Variants in SPIRE1 observed in about 807,000 individuals in gnomAD.
SPIRE1 encodes the protein protein spire homolog 1.
In SPIRE1, 40 loss-of-function variants were observed where a neutral mutation model predicts 94.1. The ratio of observed to expected loss-of-function variants is 0.43; its 90% CI spans 0.33 to 0.55. SPIRE1 has a LOEUF of 0.55. Among genes scored for constraint, SPIRE1 ranks in the 20% least tolerant of loss-of-function variants. The pLI is 0.06. For synonymous variants in SPIRE1, 376 were observed against 371.7 expected, an observed-to-expected ratio of 1.01 and a Z score of -0.13; for missense variants, 838 against 975.2, an observed-to-expected ratio of 0.86 and a Z score of 1.87.
chr18:12,561,851 T>A (rs1175421964), intron 2 of SPIRE1, among the ~76,000 whole-genome samples: 1 of 74,230 alleles, frequency 1.3e-5, no homozygotes, highest in Admixed American at 1.5e-4. Flanking sequence ...ATATACATAG[T>A]CTCATATCAG....
intron 1 of SPIRE1, among the ~76,000 whole-genome samples, chr18:12,653,983 G>T (rs964011322): frequency 2.0e-5 from 3 of 151,644 alleles, no homozygotes; most frequent in Admixed American, 6.6e-5. Flanking sequence ...GAAATCAATG[G>T]ATGTGAAAAC....
At chr18:12,460,706 C>A (rs2031753933) in intron 12 of SPIRE1, among the ~76,000 whole-genome samples, 1 of 131,452 alleles carries the variant, frequency 7.6e-6, no homozygotes, top group African/African-American at 2.6e-5. Context: ...GAGCGGAACT[C>A]CATCTCAAAA....
At chr18:12,464,045 AT>A (rs1391803654) in intron 11 of SPIRE1, among the ~76,000 whole-genome samples, 2 of 152,182 alleles carry the variant, frequency 1.3e-5, no homozygotes, top group Non-Finnish European at 2.9e-5. Context: ...CCAGAGTTTT[AT>A]TTAGTGCTTC....
intron 9 of SPIRE1, among the ~76,000 whole-genome samples, chr18:12,484,510 A>T (rs891459437): frequency 5.3e-5 from 8 of 152,236 alleles, no homozygotes; most frequent in Admixed American, 4.6e-4. Flanking sequence ...ACAGTTGGAA[A>T]CTAGCTTTGT....
chr18:12,451,085 G>T, intron 16 of SPIRE1: 1 of 385,992 alleles, frequency 2.6e-6, no homozygotes, highest in Non-Finnish European at 4.7e-6. Context: ...AAAAAAAAAA[G>T]AAATAATACT....
Position 12,495,032 on chromosome 18 carries a change from A to C in SPIRE1, c.1059+984T>G, listed in dbSNP as rs146038615. 9.9e-4 allele frequency among the ~76,000 whole-genome samples: 142 copies of C among 144,126 alleles called. 1 individual carries two copies. Among genetic ancestry groups the C allele is most frequent in the East Asian group, 5.9e-3 (30 of 5,112 alleles). The allele number at this position is 144,126 out of a possible 152,430, so 94.6% of individuals were successfully genotyped here. A position where few individuals can be genotyped will look rare whatever the true frequency, so the allele number is the denominator to read the frequency against. On this transcript the variant is annotated intron_variant, in intron 7 of 16. Transcript: ENST00000409402. The stretch of plus-strand genomic sequence containing the variant: ...ATCACCGCACTCCAGCCTGGGCGAC[A>C]AAGTGAGACTCTGTCTCAAAAAAAA...
At chr18:12,596,979 C>T (rs11665543) in intron 2 of SPIRE1, among the ~76,000 whole-genome samples, 84,952 of 151,702 alleles carry the variant, frequency 0.56, 24,972 homozygotes, top group Middle Eastern at 0.76. Context: ...AGCAACCCGC[C>T]CAAAAGCCTG....
chr18:12,566,309 C>T (rs1463594349), intron 2 of SPIRE1, among the ~76,000 whole-genome samples: 6 of 152,124 alleles, frequency 3.9e-5, no homozygotes, highest in African/African-American at 1.4e-4. Flanking sequence ...GCACTCCAGC[C>T]TGGGCCACAG....
chr18:12,477,431 G>T lies in SPIRE1; in HGVS notation c.1404+2268C>A, dbSNP rs1037825239. Among the ~76,000 whole-genome samples, 4 of 152,276 alleles carry T rather than the reference G, an allele frequency of 2.6e-5. No homozygotes were observed. In the South Asian group the frequency reaches 8.3e-4, roughly 32 times the overall value. On this transcript the variant is annotated intron_variant, in intron 10 of 16. Coordinates refer to ENST00000409402, the MANE Select transcript of SPIRE1 (RefSeq NM_001128626.2). Reference sequence around the variant, plus strand: ...GGCTACCGAATTGGAGCTCTGTCTAGATATCTGAGCTAGATGCTTTTAAAA... The same window carrying T: ...GGCTACCGAATTGGAGCTCTGTCTATATATCTGAGCTAGATGCTTTTAAAA...
intron 5 of SPIRE1, among the ~76,000 whole-genome samples, chr18:12,510,803 G>A (rs937827476): frequency 1.3e-5 from 2 of 152,034 alleles, no homozygotes; most frequent in Non-Finnish European, 2.9e-5. Context: ...GCCTCCCAAA[G>A]TGCTGGGATT....
intron 2 of SPIRE1, among the ~76,000 whole-genome samples, chr18:12,623,917 T>TGCCTGCCTAATAAG: frequency 6.9e-6 from 1 of 145,576 alleles, no homozygotes; most frequent in African/African-American, 2.6e-5. Context: ...CGTAAGCCAC[T>TGCCTGCCTAATAAG]GCACTCGGCC....
chr18:12,520,454 T>C (rs1271074334), intron 4 of SPIRE1, among the ~76,000 whole-genome samples: 1 of 152,140 alleles, frequency 6.6e-6, no homozygotes, highest in Non-Finnish European at 1.5e-5. Context: ...TTGTGAAACA[T>C]TTTAACAGGG....
chr18:12,450,647 A>G (rs1191811643), intron 16 of SPIRE1: 3 of 598,828 alleles, frequency 5.0e-6, no homozygotes, highest in Middle Eastern at 2.8e-4. Flanking sequence ...AAAGGTGGAT[A>G]AAGTACACTA....
intron 3 of SPIRE1, among the ~76,000 whole-genome samples, chr18:12,537,889 C>T (rs1179543049): frequency 2.6e-5 from 4 of 152,146 alleles, no homozygotes; most frequent in Admixed American, 1.3e-4. Context: ...TGTACTCATA[C>T]ATTGGAAGAC....
In SPIRE1 at chr18:12,475,982, A is replaced by T. The variant is rs192177092; in HGVS notation, c.1404+3717T>A. ...AGTTTCCAGGTGTTCATTCATGTCTATATAAATGTCAGTTCATTAAATGGC... is the reference window on the plus strand; with the variant it reads ...AGTTTCCAGGTGTTCATTCATGTCTTTATAAATGTCAGTTCATTAAATGGC... On this transcript the variant is annotated intron_variant, in intron 10 of 16. Coordinates refer to ENST00000409402, the MANE Select transcript of SPIRE1 (RefSeq NM_001128626.2). Among the ~76,000 whole-genome samples, 117 of 152,314 alleles carry T rather than the reference A, an allele frequency of 7.7e-4. 1 individual carries two copies. The East Asian group carries it at 0.016, about 21-fold the overall frequency.
intron 2 of SPIRE1, among the ~76,000 whole-genome samples, chr18:12,555,272 T>C (rs2035469803): frequency 6.7e-6 from 1 of 150,122 alleles, no homozygotes. Flanking sequence ...CCTGGCACTT[T>C]GGCAACAGAA....
chr18:12,464,893 G>C lies in SPIRE1; in HGVS notation c.1470C>G (p.Val490=). ...SVSPSFPEEP[V]LEAVSTRKKP... ...TCTTCCTTGTGGACACGGCCTCCAG[G>C]ACTGGCTCTTCAGGGAAAGAGGGAG... Residue 490 remains valine, a synonymous_variant, in exon 11 of 17, where the codon GTC becomes GTG. Transcript: ENST00000409402. 1 of 1,614,020 alleles carries C rather than the reference G, an allele frequency of 6.2e-7. No individual in the cohort carries two copies. The highest frequency in any genetic ancestry group is 1.1e-5 in the South Asian group (1 of 91,066).
chr18:12,541,711 TA>T (rs1054080849), intron 3 of SPIRE1, among the ~76,000 whole-genome samples: 8 of 152,180 alleles, frequency 5.3e-5, no homozygotes, highest in African/African-American at 1.9e-4. Context: ...GTCTACTCAG[TA>T]AACAATGTAT....
rs1029525742 is a variant in SPIRE1 at position 12,447,823 on chromosome 18, T to A, written c.*1815A>T. 10 of 152,230 alleles carry A rather than the reference T, an allele frequency of 6.6e-5. No individual in the cohort carries two copies. Among genetic ancestry groups the A allele is most frequent in the African/African-American group, 2.4e-4 (10 of 41,462 alleles). 9.4% of individuals were successfully genotyped at this position (152,230 alleles called of 1,614,324 possible). On this transcript the variant is annotated 3_prime_UTR_variant, in exon 17 of 17. Transcript: ENST00000409402. Reference sequence around the variant, plus strand: ...ACATTCTCCTAGGTGCATATTTATATACATATACAAATACCATTTCCTTCC... The same window carrying A: ...ACATTCTCCTAGGTGCATATTTATAAACATATACAAATACCATTTCCTTCC...
Sources: allele counts gnomAD v4.1 joint callset (sites outside exome capture counted in the v4.1 genomes callset), GRCh38; gene constraint gnomAD v4.1.1; transcripts MANE v1.5; gene names NCBI Gene and HGNC (gene_info 2026-07-23, HGNC 2026-07-21).